Variants in UTS2 observed in about 807,000 individuals in gnomAD.
The protein encoded by UTS2 is urotensin-2.
UTS2 carries 10 observed loss-of-function variants against 12.6 expected under a neutral mutation model. That is an observed-to-expected ratio of 0.80 (90% CI 0.49 to 1.35). The LOEUF is 1.35. UTS2 is among the 40% of genes most tolerant of loss of function. The probability of loss-of-function intolerance (pLI) is 0.00; values close to 1 mark genes in which losing one functional copy is unlikely to be tolerated. For missense variants in UTS2, 142 were observed against 143.2 expected (o/e 0.99, Z 0.04); for synonymous variants, 52 against 50.0 (o/e 1.04, Z -0.17).
chr1:7,901,536 T>C, the UTS2 span, among the ~76,000 whole-genome samples: 1 of 152,200 alleles, frequency 6.6e-6, no homozygotes, highest in South Asian at 2.1e-4. Context: ...GTATATGCTA[T>C]ATACATATGT....
the UTS2 span, among the ~76,000 whole-genome samples, chr1:7,887,310 C>T: frequency 2.0e-5 from 3 of 151,974 alleles, no homozygotes; most frequent in African/African-American, 7.2e-5. Context: ...CAGTGTGTCT[C>T]CCTCCACAGC....
the UTS2 span, among the ~76,000 whole-genome samples, chr1:7,878,786 C>A: frequency 1.3e-5 from 2 of 151,988 alleles, no homozygotes; most frequent in East Asian, 3.9e-4. Context: ...ATTTACTTCA[C>A]CTGTAGACAC....
At chr1:7,882,979 AGC>A in the UTS2 span, among the ~76,000 whole-genome samples, 2 of 152,230 alleles carry the variant, frequency 1.3e-5, no homozygotes, top group African/African-American at 4.8e-5. Flanking sequence ...AAATTAGTGC[AGC>A]CATTATGGAA....
the UTS2 span, among the ~76,000 whole-genome samples, chr1:7,903,420 T>C: frequency 2.6e-5 from 4 of 151,676 alleles, no homozygotes; most frequent in Non-Finnish European, 2.9e-5. Context: ...ACAATCTCGC[T>C]CTGTCGCCTA....
chr1:7,870,846 A>G, the UTS2 span, among the ~76,000 whole-genome samples: 1 of 152,010 alleles, frequency 6.6e-6, no homozygotes, highest in African/African-American at 2.4e-5. Context: ...CTTATAGCCA[A>G]ACAAAATTGA....
chr1:7,854,511 C>CAAAAAAAAAAAAAAA, upstream of UTS2, among the ~76,000 whole-genome samples: 1 of 99,482 alleles, frequency 1.0e-5, no homozygotes, highest in Non-Finnish European at 2.0e-5. Context: ...GACCATGTCT[C>CAAAAAAAAAAAAAAA]AAAAAAAAAA....
At chr1:7,902,750 G>C in the UTS2 span, among the ~76,000 whole-genome samples, 1 of 152,136 alleles carries the variant, frequency 6.6e-6, no homozygotes, top group South Asian at 2.1e-4. Context: ...CCTTTAATTA[G>C]GCGGCACGTT....
At chr1:7,847,946 T>A in intron 3 of UTS2, 64 bp from the exon 4 acceptor site, 1 of 1,177,688 alleles carries the variant, frequency 8.5e-7, no homozygotes, top group Non-Finnish European at 1.2e-6. Context: ...CGAGTGACGA[T>A]TCCTATAAGA....
Position 7,847,762 on chromosome 1 carries a change from C to CACTT in UTS2, c.375_*3dup. On this transcript the variant is annotated 3_prime_UTR_variant, in exon 4 of 4. Coordinates refer to ENST00000361696, the MANE Select transcript of UTS2 (RefSeq NM_006786.4). ...TGAGCTGACTAACAGATGCTTATTT[C>CACTT]ACTTCAGACACAGTATTTCCAGAAG... The CACTT allele has an allele frequency of 6.2e-7, 1 of 1,600,662 alleles. No homozygotes were observed. The highest frequency in any genetic ancestry group is 1.1e-5 in the South Asian group (1 of 89,242).
chr1:7,859,995 T>TC, the UTS2 span, among the ~76,000 whole-genome samples: 1 of 112,322 alleles, frequency 8.9e-6, no homozygotes, highest in Non-Finnish European at 2.1e-5. Flanking sequence ...CGAGATCCTG[T>TC]CTAAAAAAAA....
At chr1:7,879,875 A>AT in the UTS2 span, among the ~76,000 whole-genome samples, 19 of 152,344 alleles carry the variant, frequency 1.2e-4, no homozygotes, top group Admixed American at 9.8e-4. Context: ...AAAAGAAGAA[A>AT]TATTTCAAAT....
chr1:7,881,424 T>G, the UTS2 span, among the ~76,000 whole-genome samples: 1 of 152,162 alleles, frequency 6.6e-6, no homozygotes, highest in South Asian at 2.1e-4. Flanking sequence ...TTAGAACTGA[T>G]AAGTGAATTA....
intron 1 of UTS2, among the ~76,000 whole-genome samples, chr1:7,851,199 C>T (rs1323204844): frequency 6.6e-6 from 1 of 152,184 alleles, no homozygotes; most frequent in Admixed American, 6.5e-5. Context: ...GAGGGATAAG[C>T]CACAGCCTTT....
At chr1:7,860,068 G>A in the UTS2 span, among the ~76,000 whole-genome samples, 1 of 152,158 alleles carries the variant, frequency 6.6e-6, no homozygotes, top group Non-Finnish European at 1.5e-5. Context: ...AGTGAGTAAT[G>A]TTATTCTCTC....
chr1:7,863,098 G>C, the UTS2 span, among the ~76,000 whole-genome samples: 1 of 127,060 alleles, frequency 7.9e-6, no homozygotes, highest in East Asian at 2.5e-4. Context: ...GTATTGTATT[G>C]TATTGTATTG....
the UTS2 span, among the ~76,000 whole-genome samples, chr1:7,895,373 A>AAAAT: frequency 2.0e-5 from 3 of 151,996 alleles, no homozygotes; most frequent in Non-Finnish European, 4.4e-5. Flanking sequence ...CCATCCCAAA[A>AAAAT]AAATAAATAA....
upstream of UTS2, among the ~76,000 whole-genome samples, chr1:7,854,368 A>C: frequency 6.7e-6 from 1 of 150,144 alleles, no homozygotes; most frequent in African/African-American, 2.5e-5. Context: ...GAGAAGGAGA[A>C]ACACTGTCTC....
chr1:7,863,603 T>TTGG, the UTS2 span, among the ~76,000 whole-genome samples: 1 of 152,216 alleles, frequency 6.6e-6, no homozygotes, highest in African/African-American at 2.4e-5. Context: ...GCGCCTGGCC[T>TTGG]TGGTGGGCAC....
the UTS2 span, among the ~76,000 whole-genome samples, chr1:7,904,866 T>C: frequency 8.2e-6 from 1 of 121,298 alleles, no homozygotes; most frequent in Non-Finnish European, 1.6e-5. Context: ...ATCGTGCCAC[T>C]GGACTCCAGC....
Sources: allele counts gnomAD v4.1 joint callset (sites outside exome capture counted in the v4.1 genomes callset), GRCh38; gene constraint gnomAD v4.1.1; transcripts MANE v1.5; gene names NCBI Gene and HGNC (gene_info 2026-07-23, HGNC 2026-07-21).